DIP2C: variants seen among roughly 807,000 people sequenced by gnomAD.
DIP2C encodes DIP2 acetate--CoA ligase C (putative).
A neutral mutation model predicts 192.4 loss-of-function variants in DIP2C; 33 were observed. The observed-to-expected ratio is 0.17, with a 90% CI of 0.13 to 0.23. DIP2C has a LOEUF of 0.23. Ranked by LOEUF, DIP2C falls within the 10% of genes least tolerant of loss-of-function variation. The pLI, the probability that DIP2C is intolerant of heterozygous loss-of-function variation, is 1.00. For synonymous variants in DIP2C, 979 were observed against 864.1 expected, an observed-to-expected ratio of 1.13 and a Z score of -2.33; for missense variants, 1,537 against 2,110.1, an observed-to-expected ratio of 0.73 and a Z score of 5.32.
chr10:506,403 G>A (rs1411452613), intron 1 of DIP2C, among the ~76,000 whole-genome samples: 2 of 152,180 alleles, frequency 1.3e-5, no homozygotes, highest in Admixed American at 1.3e-4. Context: ...GGGAGAGGCA[G>A]TTGGGAAATC....
chr10:284,472 G>A (rs1488704969), intron 34 of DIP2C, among the ~76,000 whole-genome samples: 2 of 152,188 alleles, frequency 1.3e-5, no homozygotes, highest in Non-Finnish European at 2.9e-5. Context: ...CCTGGAAGAC[G>A]TTGTGCTGAG....
rs113550481 is a variant in DIP2C at position 483,822 on chromosome 10, AT to A, written c.157+2636del. 1.2e-3 allele frequency among the ~76,000 whole-genome samples: 180 copies of A among 147,068 alleles called. 1 individual carries two copies. The highest frequency in any genetic ancestry group is 7.9e-3 in the South Asian group (37 of 4,676). ...TTGCCTCTATGACTTCATTTTACCA[AT>A]TTTTTTTTTTTGAGACAGGGTCTCG... is the stretch of plus-strand genomic sequence containing the variant. On this transcript the variant is annotated intron_variant, in intron 2 of 36. Transcript: ENST00000280886.
chr10:338,223 C>T (rs1055128197), intron 29 of DIP2C, among the ~76,000 whole-genome samples: 5 of 152,104 alleles, frequency 3.3e-5, no homozygotes, highest in East Asian at 1.9e-4. Context: ...TTACAGTAAG[C>T]GAAGGTTAAT....
intron 36 of DIP2C, among the ~76,000 whole-genome samples, chr10:280,068 T>C (rs1174249257): frequency 1.3e-5 from 2 of 151,842 alleles, no homozygotes; most frequent in East Asian, 3.9e-4. Flanking sequence ...GTTTCTGTCT[T>C]CTCTGTATAC....
intron 1 of DIP2C, among the ~76,000 whole-genome samples, chr10:599,745 C>CT (rs141440394): frequency 3.3e-5 from 5 of 152,062 alleles, no homozygotes; most frequent in Non-Finnish European, 7.4e-5. Flanking sequence ...CCAACGGGCC[C>CT]TTTTTTAAGA....
intron 1 of DIP2C, among the ~76,000 whole-genome samples, chr10:611,864 C>T (rs1853120664): frequency 6.6e-6 from 1 of 152,166 alleles, no homozygotes; most frequent in Non-Finnish European, 1.5e-5. Context: ...ACCCTAGGAT[C>T]TAACAGGCCC....
At chr10:507,605 G>A (rs555552625) in intron 1 of DIP2C, among the ~76,000 whole-genome samples, 71 of 152,372 alleles carry the variant, frequency 4.7e-4, no homozygotes, top group Admixed American at 2.0e-3. Flanking sequence ...GATTCCTGAT[G>A]TTTCCAGTGT....
intron 1 of DIP2C, among the ~76,000 whole-genome samples, chr10:606,611 T>TTC (rs557594602): frequency 6.6e-6 from 1 of 151,914 alleles, no homozygotes; most frequent in Non-Finnish European, 1.5e-5. Flanking sequence ...GTGATCCGAA[T>TTC]TCTCATTGGT....
intron 17 of DIP2C, among the ~76,000 whole-genome samples, chr10:375,950 G>T (rs1246036502): frequency 2.0e-5 from 3 of 152,158 alleles, no homozygotes; most frequent in Admixed American, 1.3e-4. Context: ...AGAGAAGAAA[G>T]AGTTAAGCTG....
chr10:381,449 A>G (rs1042757484), intron 17 of DIP2C, among the ~76,000 whole-genome samples: 1 of 152,114 alleles, frequency 6.6e-6, no homozygotes, highest in South Asian at 2.1e-4. Flanking sequence ...CAATCACGCC[A>G]ATCAGAAAAG....
At chr10:376,136 C>T (rs1961552027) in intron 17 of DIP2C, among the ~76,000 whole-genome samples, 1 of 152,222 alleles carries the variant, frequency 6.6e-6, no homozygotes, top group Admixed American at 6.5e-5. Context: ...GGGCCTCTGA[C>T]GTAGCTAACT....
chr10:400,720 G>A (rs191372998), intron 9 of DIP2C, among the ~76,000 whole-genome samples: 64 of 151,276 alleles, frequency 4.2e-4, no homozygotes, highest in Admixed American at 2.2e-3. Flanking sequence ...GATTTTACAC[G>A]TGTGGTAGCA....
chr10:531,974 C>T lies in DIP2C; in HGVS notation c.86-45444G>A, dbSNP rs186822857. ...TTGTTTTATAGATAAACAGAGAACA[C>T]AGGGTACCAACCGGCTCCAAAATAC... On this transcript the variant is annotated intron_variant, in intron 1 of 36. Coordinates refer to ENST00000280886, the MANE Select transcript of DIP2C (RefSeq NM_014974.3). 2.0e-3 allele frequency among the ~76,000 whole-genome samples: 299 copies of T among 152,320 alleles called. 1 individual carries two copies. Among genetic ancestry groups the T allele is most frequent in the Middle Eastern group, 0.01 (3 of 294 alleles).
chr10:669,692 T>C (rs1857324068), intron 1 of DIP2C: 1 of 152,228 alleles, frequency 6.6e-6, no homozygotes, highest in Non-Finnish European at 1.5e-5. Context: ...CTCACAACTG[T>C]GGCACCAGCT....
chr10:531,404 C>T (rs1847364207), intron 1 of DIP2C, among the ~76,000 whole-genome samples: 1 of 152,214 alleles, frequency 6.6e-6, no homozygotes, highest in Non-Finnish European at 1.5e-5. Context: ...CCACATTTCC[C>T]AAAGTAGACT....
chr10:527,071 T>G (rs750568770), intron 1 of DIP2C, among the ~76,000 whole-genome samples: 17 of 151,360 alleles, frequency 1.1e-4, no homozygotes, highest in Non-Finnish European at 2.2e-4. Context: ...AGTGAGGCTG[T>G]CTGGCTCCTC....
intron 3 of DIP2C, among the ~76,000 whole-genome samples, chr10:467,200 G>A (rs956159736): frequency 6.6e-6 from 1 of 152,128 alleles, no homozygotes; most frequent in Non-Finnish European, 1.5e-5. Context: ...ATACTATGCA[G>A]CCATAAAATG....
chr10:311,151 G>A (rs530862730), intron 31 of DIP2C, among the ~76,000 whole-genome samples: 9 of 152,220 alleles, frequency 5.9e-5, no homozygotes, highest in Admixed American at 5.2e-4. Flanking sequence ...GACGCTCCCA[G>A]TGACAGCTCT....
intron 7 of DIP2C, 100 bp from the exon 8 acceptor site, chr10:414,210 C>T: frequency 4.5e-6 from 6 of 1,347,872 alleles, no homozygotes; most frequent in Non-Finnish European, 6.0e-6. Flanking sequence ...TATACTTAAG[C>T]TGTACATTTA....
Sources: allele counts gnomAD v4.1 joint callset (sites outside exome capture counted in the v4.1 genomes callset), GRCh38; gene constraint gnomAD v4.1.1; transcripts MANE v1.5; gene names NCBI Gene and HGNC (gene_info 2026-07-23, HGNC 2026-07-21).